Variants in TEX11 observed in about 807,000 individuals in gnomAD.
TEX11 encodes the protein testis-expressed protein 11.
A neutral mutation model predicts 84.4 loss-of-function variants in TEX11; 7 were observed. The observed-to-expected ratio is 0.08, with a 90% confidence interval of 0.05 to 0.16. The LOEUF is 0.16. Among genes scored for constraint, TEX11 ranks in the 10% least tolerant of loss-of-function variants. The pLI is 1.00. For synonymous variants in TEX11, 264 were observed against 222.8 expected (o/e 1.18, Z -1.64); for missense variants, 551 against 660.5 (o/e 0.83, Z 1.82).
chrX:70,736,973 T>C (rs2090700923), intron 11 of TEX11, among the ~76,000 whole-genome samples: 1 of 111,662 alleles, frequency 9.0e-6, no homozygotes, highest in Admixed American at 9.6e-5. Context: ...CAGCCAACGA[T>C]GTAAAATAGT....
intron 11 of TEX11, among the ~76,000 whole-genome samples, chrX:70,735,440 A>T (rs1466904403): frequency 1.8e-5 from 2 of 112,015 alleles, no homozygotes; most frequent in African/African-American, 6.5e-5. Context: ...AGATTGTAGG[A>T]TATAATATCA....
chrX:70,897,844 T>C (rs1843167526), intron 2 of TEX11, among the ~76,000 whole-genome samples: 1 of 111,671 alleles, frequency 9.0e-6, no homozygotes, highest in South Asian at 3.8e-4. Context: ...GTCTCATACA[T>C]GCATCAATGA....
At chrX:70,581,742 G>T (rs191108318) in intron 25 of TEX11, among the ~76,000 whole-genome samples, 27 of 111,851 alleles carry the variant, frequency 2.4e-4, no homozygotes, top group Non-Finnish European at 1.9e-5. Flanking sequence ...CTGTTAATCT[G>T]CTATAATGTT....
intron 8 of TEX11, among the ~76,000 whole-genome samples, chrX:70,823,115 G>A (rs2091326957): frequency 9.0e-6 from 1 of 111,168 alleles, no homozygotes; most frequent in African/African-American, 3.3e-5. Context: ...GATAAATCTG[G>A]ATGACATTAT....
At chrX:70,692,197 A>C (rs1010543846) in intron 13 of TEX11, among the ~76,000 whole-genome samples, 3 of 111,822 alleles carry the variant, frequency 2.7e-5, no homozygotes, top group Non-Finnish European at 5.6e-5. Flanking sequence ...TCAAGATATC[A>C]CCACAATCAA....
intron 15 of TEX11, among the ~76,000 whole-genome samples, chrX:70,673,858 T>G (rs1183953390): frequency 8.9e-6 from 1 of 112,140 alleles, no homozygotes; most frequent in Non-Finnish European, 1.9e-5. Context: ...GGGTAATTCT[T>G]TCTGTTCTAT....
chrX:70,704,013 C>G (rs1270075335), intron 13 of TEX11, among the ~76,000 whole-genome samples: 1 of 110,750 alleles, frequency 9.0e-6, no homozygotes, highest in Non-Finnish European at 1.9e-5. Flanking sequence ...TGGTTTAGCA[C>G]CATCCCTTTG....
intron 9 of TEX11, among the ~76,000 whole-genome samples, chrX:70,803,265 T>C (rs917516078): frequency 8.9e-6 from 1 of 112,400 alleles, no homozygotes; most frequent in African/African-American, 3.2e-5. Flanking sequence ...TTGAGGCAAA[T>C]ACGTTGACAA....
the TEX11 span, among the ~76,000 whole-genome samples, chrX:70,517,671 T>G: frequency 8.9e-6 from 1 of 111,825 alleles, no homozygotes; most frequent in Non-Finnish European, 1.9e-5. Context: ...CTTTTTCTAT[T>G]GATTGGAATA....
Position 70,688,309 on chromosome X carries a change from A to G in TEX11, c.1005-5484T>C, listed in dbSNP as rs150552999. ...ATTTACCCACTTGATTTGAAAACTT[A>G]GATCTACTCAAAAATCTTCCCGTGA... On this transcript the variant is annotated intron_variant, in intron 13 of 29. Coordinates refer to ENST00000374333, the MANE Select transcript of TEX11 (RefSeq NM_031276.3). Among the ~76,000 whole-genome samples, 444 of 111,610 alleles carry G rather than the reference A, an allele frequency of 4.0e-3. 2 individuals carry two copies. Among genetic ancestry groups the G allele is most frequent in the African/African-American group, 0.014 (433 of 30,780 alleles).
chrX:70,806,074 T>C (rs2091217348), intron 9 of TEX11, among the ~76,000 whole-genome samples: 1 of 111,884 alleles, frequency 8.9e-6, no homozygotes, highest in African/African-American at 3.2e-5. Flanking sequence ...CAACAATAAG[T>C]ATCAAAGCAA....
At chrX:70,792,560 T>C (rs1268967811) in intron 9 of TEX11, among the ~76,000 whole-genome samples, 3 of 104,575 alleles carry the variant, frequency 2.9e-5, no homozygotes, top group Non-Finnish European at 5.9e-5. Flanking sequence ...CAAAACTGAA[T>C]AAAATTGAGA....
intron 9 of TEX11, among the ~76,000 whole-genome samples, chrX:70,755,675 T>C (rs749188311): frequency 1.7e-4 from 19 of 112,052 alleles, no homozygotes; most frequent in African/African-American, 5.8e-4. Flanking sequence ...CCCAGCAAGA[T>C]TGATGCAGAA....
chrX:70,813,970 AC>A (rs1428811625), intron 8 of TEX11, among the ~76,000 whole-genome samples: 1 of 112,050 alleles, frequency 8.9e-6, no homozygotes, highest in Non-Finnish European at 1.9e-5. Context: ...AAATGGAAGA[AC>A]ACATTCCATG....
At chrX:70,623,866 AG>A in intron 20 of TEX11, 83 bp downstream of exon 20, 1 of 868,205 alleles carries the variant, frequency 1.2e-6, no homozygotes, top group South Asian at 2.8e-5. Context: ...CACTACACTA[AG>A]TATCTCTGAA....
the TEX11 span, among the ~76,000 whole-genome samples, chrX:70,520,560 C>G: frequency 8.9e-6 from 1 of 112,514 alleles, no homozygotes; most frequent in East Asian, 2.8e-4. Context: ...TTGGCCCCCA[C>G]TGGGAGATGT....
At chrX:70,599,766 G>A (rs970580162) in intron 24 of TEX11, among the ~76,000 whole-genome samples, 14 of 103,134 alleles carry the variant, frequency 1.4e-4, no homozygotes, top group East Asian at 1.2e-3. Context: ...GAGAATATGC[G>A]GTGTTTGGTT....
chrX:70,594,451 A>T (rs964345683), intron 24 of TEX11, among the ~76,000 whole-genome samples: 2 of 111,388 alleles, frequency 1.8e-5, no homozygotes, highest in Non-Finnish European at 3.8e-5. Flanking sequence ...TAGTATTAAT[A>T]TAAATGTATA....
intron 25 of TEX11, among the ~76,000 whole-genome samples, chrX:70,577,855 G>A (rs1243935261): frequency 9.1e-6 from 1 of 109,542 alleles, no homozygotes; most frequent in African/African-American, 3.3e-5. Context: ...AGCCTACCAA[G>A]TAGCTGGGAT....
Sources: gnomAD v4.1 joint callset for allele counts (sites outside exome capture counted in the v4.1 genomes callset) on GRCh38, gnomAD v4.1.1 for gene constraint, MANE v1.5 for transcripts, NCBI Gene and HGNC (gene_info 2026-07-23, HGNC 2026-07-21) for gene names.